The following PI4KA variants were observed in gnomAD, a reference collection of about 807,000 sequenced individuals.
PI4KA encodes phosphatidylinositol 4-kinase alpha.
A neutral mutation model predicts 271.4 loss-of-function variants in PI4KA; 122 were observed. That is an observed-to-expected ratio of 0.45 (90% CI 0.39 to 0.52). The LOEUF (loss-of-function observed/expected upper bound fraction) is 0.52, where lower values mean the gene tolerates loss of function less well. Ranked by LOEUF, PI4KA falls within the 20% of genes least tolerant of loss-of-function variation. The pLI is 0.00. For synonymous variants in PI4KA, 1,041 were observed against 1,078.8 expected (o/e 0.96, Z 0.69); for missense variants, 1,969 against 2,769.1 (o/e 0.71, Z 6.48).
intron 48 of PI4KA, 39 bp from the exon 49 acceptor site, chr22:20,712,836 T>A (rs1925488404): frequency 1.9e-6 from 3 of 1,550,634 alleles, no homozygotes; most frequent in Non-Finnish European, 2.6e-6. Context: ...TCAGTTGGCG[T>A]CCTTGCACCC....
chr22:20,803,069 A>T (rs1935421103), intron 13 of PI4KA, 122 bp downstream of exon 13: 2 of 1,008,812 alleles, frequency 2.0e-6, no homozygotes, highest in Admixed American at 3.8e-5. Flanking sequence ...GCAAAGGGAA[A>T]GACAGAAGGA....
rs764985938 is a variant in PI4KA, at chr22:20,813,451, G to A, written c.912C>T (p.Ile304=). The part of the protein sequence containing the change: ...ALEPEYYFST[I]SSSFSVSPLF... ...GGGGAGAGACTGAGAAGCTGGAGCT[G>A]ATGGTTGAAAAGTAGTACTCAGGCT... The change falls in exon 8 of 55, where the codon ATC becomes ATT. Residue 304 remains isoleucine, a synonymous_variant. Transcript: ENST00000255882. 1.2e-6 allele frequency: 2 copies of A among 1,613,626 alleles called. No individual in the cohort carries two copies. The highest frequency in any genetic ancestry group is 2.7e-5 in the African/African-American group (2 of 74,902).
chr22:20,731,821 T>C (rs1601355065), intron 36 of PI4KA, among the ~76,000 whole-genome samples: 2 of 146,266 alleles, frequency 1.4e-5, no homozygotes, highest in East Asian at 4.1e-4. Context: ...CCCAGCTACT[T>C]GGGAGGCTGA....
rs1233612304 is a variant in PI4KA at position 20,727,239 on chromosome 22, G to A, written c.4932C>T (p.Ser1644=). ...TAQYGVKVLR[S]FPPDAILFYI... ...AGGGCCCTGGGCTCACCGGAGGGAA[G>A]GACCGCAGGACTTTCACCCCGTACT... The change falls in exon 41 of 55, where the codon TCC becomes TCT. Residue 1644 remains serine, a synonymous_variant. Coordinates refer to ENST00000255882, the MANE Select transcript of PI4KA (RefSeq NM_058004.4). 2.5e-6 allele frequency: 4 copies of A among 1,612,240 alleles called. No individual in the cohort carries two copies. Among genetic ancestry groups the A allele is most frequent in the Non-Finnish European group, 3.4e-6 (4 of 1,179,664 alleles).
chr22:20,807,479 CAT>C (rs1323156373), intron 9 of PI4KA, 21 bp from the exon 10 acceptor site: 10 of 1,433,502 alleles, frequency 7.0e-6, no homozygotes, highest in Non-Finnish European at 9.8e-6. Context: ...GGCAGACACA[CAT>C]GACTATAGAA....
chr22:20,756,495 C>T (rs1931320850), intron 23 of PI4KA, among the ~76,000 whole-genome samples: 2 of 152,124 alleles, frequency 1.3e-5, no homozygotes, highest in South Asian at 4.1e-4. Context: ...GCTGGGATTA[C>T]AGGCGTGAGC....
chr22:20,740,172 C>G (rs571302503), intron 32 of PI4KA, among the ~76,000 whole-genome samples: 2 of 148,088 alleles, frequency 1.4e-5, no homozygotes, highest in African/African-American at 2.5e-5. Context: ...TTTTCTAGAC[C>G]TGAGAATTGT....
At chr22:20,799,342 C>T (rs983891157) in intron 15 of PI4KA, 66 bp from the exon 16 acceptor site, 2 of 1,360,560 alleles carry the variant, frequency 1.5e-6, no homozygotes, top group African/African-American at 2.9e-5. Flanking sequence ...GAAACAGTAC[C>T]CAGAGACTAC....
chr22:20,766,490 C>G (rs1251156717), intron 19 of PI4KA, among the ~76,000 whole-genome samples: 1 of 147,106 alleles, frequency 6.8e-6, no homozygotes, highest in Non-Finnish European at 1.5e-5. Flanking sequence ...ATGGTGAAAC[C>G]CCATCTCTAC....
chr22:20,779,773 C>T, intron 19 of PI4KA: 1 of 1,614,220 alleles, frequency 6.2e-7, no homozygotes, highest in Non-Finnish European at 8.5e-7. Context: ...ATCTTCATAG[C>T]ACCCGTTGGC....
At chr22:20,777,122 G>A (rs988591419) in intron 19 of PI4KA, among the ~76,000 whole-genome samples, 3 of 151,654 alleles carry the variant, frequency 2.0e-5, no homozygotes, top group Admixed American at 6.6e-5. Flanking sequence ...GCGTGATCAC[G>A]GCTCACTGCA....
chr22:20,744,007 T>C (rs1243476686), intron 30 of PI4KA, among the ~76,000 whole-genome samples: 3 of 152,174 alleles, frequency 2.0e-5, no homozygotes, highest in Non-Finnish European at 2.9e-5. Context: ...TGAGCCAAGA[T>C]TGTGCCACTG....
intron 10 of PI4KA, among the ~76,000 whole-genome samples, 172 bp downstream of exon 10, chr22:20,807,190 T>C (rs867711285): frequency 6.6e-6 from 1 of 152,194 alleles, no homozygotes. Context: ...CATGGACAGA[T>C]TTTTTAAATT....
intron 19 of PI4KA, chr22:20,773,763 AG>A (rs1933025461): frequency 6.6e-6 from 1 of 152,370 alleles, no homozygotes; most frequent in Admixed American, 6.5e-5. Context: ...ACACAGTTGG[AG>A]GCAGATGCAT....
At chr22:20,828,476 A>G (rs940217327) in intron 3 of PI4KA, among the ~76,000 whole-genome samples, 12 of 152,138 alleles carry the variant, frequency 7.9e-5, no homozygotes, top group African/African-American at 2.9e-4. Flanking sequence ...ATACAGTATA[A>G]TGATGGCTAT....
At chr22:20,784,380 T>C (rs1934042562) in intron 19 of PI4KA, 2 of 1,202,388 alleles carry the variant, frequency 1.7e-6, no homozygotes, top group Non-Finnish European at 2.4e-6. Context: ...AGGGCCACTC[T>C]GTTAATTCAG....
chr22:20,750,721 G>T lies in PI4KA; in HGVS notation c.3153+572C>A, dbSNP rs528634896. Among the ~76,000 whole-genome samples, 538 of 152,370 alleles carry T rather than the reference G, an allele frequency of 3.5e-3. 3 individuals carry two copies. The highest frequency in any genetic ancestry group is 6.8e-3 in the Middle Eastern group (2 of 294). ...CCCATTGACAGCTGGTCTGGCAGAG[G>T]TCCAGAGGTAGGACATGACTCAGCC... On this transcript the variant is annotated intron_variant, in intron 27 of 54. Coordinates refer to ENST00000255882, the MANE Select transcript of PI4KA (RefSeq NM_058004.4).
intron 19 of PI4KA, 30 bp from the exon 20 acceptor site, chr22:20,765,723 A>C: frequency 1.4e-6 from 2 of 1,464,206 alleles, no homozygotes; most frequent in East Asian, 4.6e-5. Context: ...GGGAGAAAGG[A>C]GGTTATTTGC....
chr22:20,825,798 C>T (rs1023680514), intron 3 of PI4KA, among the ~76,000 whole-genome samples: 29 of 152,158 alleles, frequency 1.9e-4, no homozygotes, highest in African/African-American at 6.5e-4. Context: ...CTGCATGTTA[C>T]GGGGGTTTGG....
Sources: allele counts gnomAD v4.1 joint callset (sites outside exome capture counted in the v4.1 genomes callset), GRCh38; gene constraint gnomAD v4.1.1; transcripts MANE v1.5; gene names NCBI Gene and HGNC (gene_info 2026-07-23, HGNC 2026-07-21).